Variants in LAMA2 observed in about 807,000 individuals in gnomAD.
The protein encoded by LAMA2 is laminin subunit alpha-2.
In LAMA2, 269 loss-of-function variants were observed where a neutral mutation model predicts 364.8. That is an observed-to-expected ratio of 0.74 (90% CI 0.67 to 0.82). The LOEUF is 0.82. Among genes scored for constraint, LAMA2 ranks in the 40% least tolerant of loss-of-function variants. The probability of loss-of-function intolerance (pLI) is 0.00; values close to 1 mark genes in which losing one functional copy is unlikely to be tolerated. For missense variants in LAMA2, 3,807 were observed against 3,873.2 expected (o/e 0.98, Z 0.45); for synonymous variants, 1,379 against 1,370.6 (o/e 1.01, Z -0.14).
chr6:129,323,895 C>T (rs1445257210), intron 28 of LAMA2, among the ~76,000 whole-genome samples: 1 of 152,164 alleles, frequency 6.6e-6, no homozygotes, highest in Non-Finnish European at 1.5e-5. Flanking sequence ...AGTTGAATGG[C>T]CGGTGTCTAT....
intron 4 of LAMA2, among the ~76,000 whole-genome samples, chr6:129,115,153 G>T (rs900195602): frequency 3.0e-4 from 46 of 151,890 alleles, no homozygotes; most frequent in African/African-American, 9.9e-4. Context: ...CCAGAATGTT[G>T]CCCAGAAAAC....
At chr6:129,262,314 G>A (rs186975374) in intron 15 of LAMA2, among the ~76,000 whole-genome samples, 64 of 152,110 alleles carry the variant, frequency 4.2e-4, no homozygotes, top group African/African-American at 1.5e-3. Flanking sequence ...TATGAAAAAT[G>A]GGATCTCAGC....
rs570826433 is a variant in LAMA2 at position 129,464,160 on chromosome 6, G to A, written c.6993-130G>A. 5.6e-4 allele frequency: 445 copies of A among 801,388 alleles called. 2 individuals carry two copies. Among genetic ancestry groups the A allele is most frequent in the Middle Eastern group, 3.5e-3 (10 of 2,898 alleles). The allele number at this position is 801,388 out of a possible 1,614,324, so 49.6% of individuals were successfully genotyped here. On this transcript the variant is annotated intron_variant, in intron 49 of 64. Transcript: ENST00000421865. ...CAGTAGAGATGGAGATAAGTGGAAGGAATGAAGATGTATTTAGGGTATTTC... is the reference window on the plus strand; with the variant it reads ...CAGTAGAGATGGAGATAAGTGGAAGAAATGAAGATGTATTTAGGGTATTTC...
intron 3 of LAMA2, among the ~76,000 whole-genome samples, chr6:129,090,795 G>A (rs72988966): frequency 6.6e-6 from 1 of 152,078 alleles, no homozygotes; most frequent in African/African-American, 2.4e-5. Flanking sequence ...AAATATCTGG[G>A]TGTCTCTTTT....
chr6:129,144,922 C>G lies in LAMA2; in HGVS notation c.819+842C>G, dbSNP rs1026731791. On this transcript the variant is annotated intron_variant, in intron 5 of 64. Coordinates refer to ENST00000421865, the MANE Select transcript of LAMA2 (RefSeq NM_000426.4). ...CAACCCAGATTGCTATGAGTGATAACCGTGCTTCCTCCTGTCTACCTTCTA... is the reference window on the plus strand; with the variant it reads ...CAACCCAGATTGCTATGAGTGATAAGCGTGCTTCCTCCTGTCTACCTTCTA... Among the ~76,000 whole-genome samples the G allele has an allele frequency of 2.0e-5, 3 of 152,020 alleles. No homozygotes were observed. The South Asian group carries it at 6.2e-4, about 32-fold the overall frequency.
rs1562285162 is a variant in LAMA2 at position 129,158,643 on chromosome 6, A to T, written c.1206+3960A>T. 5 of 1,614,100 alleles carry T rather than the reference A, an allele frequency of 3.1e-6. No individual in the cohort carries two copies. In the Admixed American group the frequency reaches 5.0e-5, roughly 16 times the overall value. ...GATCATAGCAATTATGCAGACAGCC[A>T]TAGAAATGAGCAAAACCAGCCATCG... On this transcript the variant is annotated intron_variant, in intron 8 of 64. Coordinates refer to ENST00000421865, the MANE Select transcript of LAMA2 (RefSeq NM_000426.4).
chr6:129,205,489 T>TACAC (rs1239051034), intron 12 of LAMA2, among the ~76,000 whole-genome samples: 1 of 130,514 alleles, frequency 7.7e-6, no homozygotes, highest in Non-Finnish European at 1.6e-5. Flanking sequence ...TATATATATA[T>TACAC]ATATACACAC....
intron 18 of LAMA2, among the ~76,000 whole-genome samples, chr6:129,284,160 G>C (rs1359904688): frequency 6.6e-6 from 1 of 152,142 alleles, no homozygotes; most frequent in Non-Finnish European, 1.5e-5. Flanking sequence ...TGCTGATTAT[G>C]TCAAATGGGA....
intron 31 of LAMA2, 135 bp from the exon 32 acceptor site, chr6:129,353,029 C>T (rs1181286756): frequency 3.3e-6 from 2 of 612,858 alleles, no homozygotes; most frequent in South Asian, 2.2e-5. Context: ...ACTATCTGAC[C>T]CTTTACAGGA....
At chr6:129,297,617 T>C in intron 20 of LAMA2, 68 bp from the exon 21 acceptor site, 1 of 1,406,646 alleles carries the variant, frequency 7.1e-7, no homozygotes, top group Admixed American at 1.7e-5. Flanking sequence ...ATCTTTGGTA[T>C]TGTGCATCTT....
chr6:129,055,083 G>A (rs1482431792), intron 2 of LAMA2, among the ~76,000 whole-genome samples: 1 of 151,012 alleles, frequency 6.6e-6, no homozygotes, highest in Non-Finnish European at 1.5e-5. Flanking sequence ...AAAGCAAGGT[G>A]TATATAAGTT....
At chr6:129,282,765 A>G (rs1335884942) in intron 18 of LAMA2, among the ~76,000 whole-genome samples, 1 of 152,050 alleles carries the variant, frequency 6.6e-6, no homozygotes, top group Admixed American at 6.6e-5. Context: ...ACCCACCAAC[A>G]TCTCTACCAT....
At chr6:129,119,605 T>A (rs897741723) in intron 4 of LAMA2, among the ~76,000 whole-genome samples, 12 of 152,288 alleles carry the variant, frequency 7.9e-5, no homozygotes, top group African/African-American at 2.9e-4. Context: ...TGGACTGCAG[T>A]GGCTCGATCT....
At chr6:129,139,352 GA>G (rs1371441222) in intron 4 of LAMA2, among the ~76,000 whole-genome samples, 1 of 151,928 alleles carries the variant, frequency 6.6e-6, no homozygotes, top group African/African-American at 2.4e-5. Flanking sequence ...AAAAATGTTA[GA>G]AAAAAATCTG....
At chr6:129,428,858 T>C (rs1781454113) in intron 41 of LAMA2, among the ~76,000 whole-genome samples, 1 of 152,240 alleles carries the variant, frequency 6.6e-6, no homozygotes, top group South Asian at 2.1e-4. Flanking sequence ...ATGGCTGCTC[T>C]CTATATGAGC....
rs781685180 is a variant in LAMA2 at position 129,478,768 on chromosome 6, C to T, written c.7527C>T (p.Leu2509=). The T allele has an allele frequency of 1.9e-6, 3 of 1,612,746 alleles. No homozygotes were observed. The highest frequency in any genetic ancestry group is 1.1e-5 in the South Asian group (1 of 91,070). ...IEISRTPYNI[L]SSPDYVGVTK... ...TTTCAAGAACTCCGTACAATATACT[C>T]AGTAGTCCCGATTATGTTGGTGTTA... Residue 2509 remains leucine (L), a synonymous_variant, in exon 54 of 65, where the codon CTC becomes CTT. Coordinates refer to ENST00000421865, the MANE Select transcript of LAMA2 (RefSeq NM_000426.4).
chr6:129,381,324 C>T (rs938242708), intron 34 of LAMA2, among the ~76,000 whole-genome samples: 15 of 147,298 alleles, frequency 1.0e-4, no homozygotes, highest in Admixed American at 3.4e-4. Flanking sequence ...GTTTAGACTA[C>T]GAACATCTTT....
At chr6:129,335,526 T>C (rs1775909329) in intron 29 of LAMA2, among the ~76,000 whole-genome samples, 1 of 151,960 alleles carries the variant, frequency 6.6e-6, no homozygotes, top group Non-Finnish European at 1.5e-5. Flanking sequence ...ATAAAATAAT[T>C]TGTGGAAATA....
At chr6:128,964,193 T>C (rs912735745) in intron 1 of LAMA2, among the ~76,000 whole-genome samples, 2 of 152,068 alleles carry the variant, frequency 1.3e-5, no homozygotes, top group Admixed American at 6.5e-5. Flanking sequence ...ATCTCTATTA[T>C]TACTAACAAA....
Sources: gnomAD v4.1 joint callset for allele counts (sites outside exome capture counted in the v4.1 genomes callset) on GRCh38, gnomAD v4.1.1 for gene constraint, MANE v1.5 for transcripts, NCBI Gene and HGNC (gene_info 2026-07-23, HGNC 2026-07-21) for gene names.